The following APBA2 variants were observed in gnomAD, a reference collection of about 807,000 sequenced individuals.
APBA2 encodes the protein amyloid-beta A4 precursor protein-binding family A member 2.
A neutral mutation model predicts 75.0 loss-of-function variants in APBA2; 30 were observed. That is an observed-to-expected ratio of 0.40 (90% CI 0.30 to 0.54). APBA2 has a LOEUF of 0.54. Among genes scored for constraint, APBA2 ranks in the 20% least tolerant of loss-of-function variants. The pLI, the probability that APBA2 is intolerant of heterozygous loss-of-function variation, is 0.49. For missense variants in APBA2, 801 were observed against 1,016.1 expected, an observed-to-expected ratio of 0.79 and a Z score of 2.88; for synonymous variants, 444 against 409.6, an observed-to-expected ratio of 1.08 and a Z score of -1.01.
chr15:29,046,289 C>T lies in APBA2; in HGVS notation c.-40-7556C>T, dbSNP rs747031015. ...TGAAAGAACCACTTGTTTCTACCTACGTTTTTGCCCACCTTTCCTTCTCAC... is the reference window on the plus strand; with the variant it reads ...TGAAAGAACCACTTGTTTCTACCTATGTTTTTGCCCACCTTTCCTTCTCAC... On this transcript the variant is annotated intron_variant, in intron 3 of 14. Transcript: ENST00000683413. The surrounding 1 kb of genome is among the most constrained non-coding windows in gnomAD (Gnocchi z 5.0). Among the ~76,000 whole-genome samples, 4 of 152,200 alleles carry T rather than the reference C, an allele frequency of 2.6e-5. No homozygotes were observed. Among genetic ancestry groups the T allele is most frequent in the Admixed American group, 2.0e-4 (3 of 15,284 alleles).
At chr15:29,086,675 T>G (rs1025544811) in intron 6 of APBA2, among the ~76,000 whole-genome samples, 2 of 152,222 alleles carry the variant, frequency 1.3e-5, no homozygotes, top group Admixed American at 1.3e-4. Context: ...TGCATTTACT[T>G]TTGTGTTTAG....
chr15:28,999,621 A>G (rs1411148327), intron 3 of APBA2, among the ~76,000 whole-genome samples: 1 of 152,140 alleles, frequency 6.6e-6, no homozygotes, highest in East Asian at 1.9e-4. Flanking sequence ...TTAGAGAACA[A>G]TTAGGTGTTA....
chr15:29,014,487 A>G (rs2039558808), intron 3 of APBA2, among the ~76,000 whole-genome samples: 1 of 152,232 alleles, frequency 6.6e-6, no homozygotes, highest in Non-Finnish European at 1.5e-5. Flanking sequence ...TGCCATTTAA[A>G]TTTAATTTAA....
At chr15:28,984,801 G>C (rs1022269086) in intron 2 of APBA2, among the ~76,000 whole-genome samples, 1 of 139,310 alleles carries the variant, frequency 7.2e-6, no homozygotes, top group Non-Finnish European at 1.5e-5. Context: ...GGAGCTGCTC[G>C]CTCTCTCTCC....
intron 3 of APBA2, among the ~76,000 whole-genome samples, chr15:28,999,570 C>T (rs1452009029): frequency 2.0e-5 from 3 of 151,976 alleles, no homozygotes; most frequent in Admixed American, 2.0e-4. Context: ...AGCAAGGGGG[C>T]CTTCATGTCC....
intron 9 of APBA2, 79 bp downstream of exon 9, chr15:29,098,655 G>A (rs57100286): frequency 0.14 from 159,253 of 1,158,852 alleles, 11,393 homozygotes; most frequent in East Asian, 0.21. Context: ...ATAGGCCCTC[G>A]TTCTCAGCAG....
intron 1 of APBA2, among the ~76,000 whole-genome samples, chr15:28,912,724 A>G (rs1335985943): frequency 1.3e-5 from 2 of 152,198 alleles, no homozygotes; most frequent in Non-Finnish European, 2.9e-5. Context: ...TTATTGAGCA[A>G]TCCTCCAGGC....
chr15:28,969,100 G>A (rs2036893584), intron 2 of APBA2, among the ~76,000 whole-genome samples: 1 of 147,318 alleles, frequency 6.8e-6, no homozygotes, highest in African/African-American at 2.6e-5. Flanking sequence ...GGGAGACCCT[G>A]TCTACAAAAA....
chr15:28,927,661 A>G (rs1213909777), intron 2 of APBA2, among the ~76,000 whole-genome samples: 10 of 151,276 alleles, frequency 6.6e-5, no homozygotes, highest in African/African-American at 2.2e-4. Context: ...TTGTGAGCTC[A>G]GGTGATCCCC....
intron 2 of APBA2, among the ~76,000 whole-genome samples, chr15:28,947,499 C>T (rs1018880209): frequency 5.3e-5 from 8 of 152,206 alleles, no homozygotes; most frequent in Admixed American, 5.2e-4. Flanking sequence ...TGCTGTGTTC[C>T]TTGAGCTGCC....
At chr15:29,047,701 T>C (rs988416970) in intron 3 of APBA2, among the ~76,000 whole-genome samples, 1 of 152,146 alleles carries the variant, frequency 6.6e-6, no homozygotes, top group African/African-American at 2.4e-5. Flanking sequence ...TTAGACAAGA[T>C]GACCACATGC....
intron 2 of APBA2, among the ~76,000 whole-genome samples, chr15:28,992,725 A>G (rs757169408): frequency 3.9e-5 from 6 of 152,156 alleles, no homozygotes; most frequent in Non-Finnish European, 8.8e-5. Flanking sequence ...ACCCTGGAGA[A>G]GAAGGGAGCC....
intron 2 of APBA2, among the ~76,000 whole-genome samples, chr15:28,956,915 T>C (rs2036200535): frequency 6.6e-6 from 1 of 152,334 alleles, no homozygotes; most frequent in South Asian, 2.1e-4. Flanking sequence ...CCTTGTCTGT[T>C]AAGGTCGAGG....
intron 3 of APBA2, among the ~76,000 whole-genome samples, chr15:29,000,692 T>TCAAC (rs1395581770): frequency 6.6e-6 from 1 of 152,010 alleles, no homozygotes; most frequent in African/African-American, 2.4e-5. Flanking sequence ...CAGGGCTCAA[T>TCAAC]CAACCCTCCC....
chr15:29,001,500 T>C (rs556145446), intron 3 of APBA2, among the ~76,000 whole-genome samples: 1 of 152,326 alleles, frequency 6.6e-6, no homozygotes, highest in East Asian at 1.9e-4. Flanking sequence ...CATGAGCCAC[T>C]GCCTCTAGAC....
chr15:29,060,995 C>T (rs1024774676), intron 4 of APBA2, among the ~76,000 whole-genome samples: 1 of 152,162 alleles, frequency 6.6e-6, no homozygotes, highest in African/African-American at 2.4e-5. Context: ...GGACCTGGCA[C>T]GTCCTTGGTG....
At chr15:28,910,159 A>T (rs1056791132) in intron 1 of APBA2, among the ~76,000 whole-genome samples, 3 of 152,206 alleles carry the variant, frequency 2.0e-5, no homozygotes, top group Non-Finnish European at 4.4e-5. Flanking sequence ...GTGATGTTTC[A>T]TTATAAGCAC....
chr15:29,022,779 A>G (rs1441539131), intron 3 of APBA2, among the ~76,000 whole-genome samples: 6 of 152,130 alleles, frequency 3.9e-5, no homozygotes, highest in African/African-American at 1.2e-4. Context: ...TTGGAATTGC[A>G]CTGACTTTCT....
chr15:29,107,505 C>T (rs1467467923), intron 12 of APBA2, among the ~76,000 whole-genome samples: 1 of 152,194 alleles, frequency 6.6e-6, no homozygotes, highest in Non-Finnish European at 1.5e-5. Flanking sequence ...GGAGGAAGCG[C>T]CTTCCTCCTC....
Sources: allele counts gnomAD v4.1 joint callset (sites outside exome capture counted in the v4.1 genomes callset), GRCh38; gene constraint gnomAD v4.1.1; non-coding constraint Gnocchi (gnomAD v3.1); transcripts MANE v1.5; gene names NCBI Gene and HGNC (gene_info 2026-07-23, HGNC 2026-07-21).